Variants in SPAST observed in about 807,000 individuals in gnomAD.
SPAST encodes spastin.
SPAST carries 30 observed loss-of-function variants against 76.6 expected under a neutral mutation model. That is an observed-to-expected ratio of 0.39 (90% CI 0.29 to 0.53). The LOEUF is 0.53. Ranked by LOEUF, SPAST falls within the 20% of genes least tolerant of loss-of-function variation. The probability of loss-of-function intolerance (pLI) is 0.68; values close to 1 mark genes in which losing one functional copy is unlikely to be tolerated. For synonymous variants in SPAST, 305 were observed against 281.0 expected (o/e 1.09, Z -0.86); for missense variants, 717 against 770.5 (o/e 0.93, Z 0.82).
chr2:32,087,699 T>C (rs1294865225), intron 2 of SPAST, 121 bp downstream of exon 2: 55 of 354,034 alleles, frequency 1.6e-4, no homozygotes, highest in Middle Eastern at 9.3e-4. Context: ...CTTTTCTTTT[T>C]TTTTTTTTTT....
chr2:32,086,462 TAA>T (rs11350854), intron 1 of SPAST, among the ~76,000 whole-genome samples: 60 of 144,396 alleles, frequency 4.2e-4, no homozygotes, highest in African/African-American at 4.6e-4. Context: ...AGACTCTGTT[TAA>T]AAAAAAAAAA....
At chr2:32,135,775 A>G (rs1167088069) in intron 9 of SPAST, among the ~76,000 whole-genome samples, 2 of 152,178 alleles carry the variant, frequency 1.3e-5, no homozygotes, top group Non-Finnish European at 2.9e-5. Flanking sequence ...CAACTAAGTT[A>G]GTTGACTATT....
At chr2:32,085,851 G>A (rs1164309378) in intron 1 of SPAST, among the ~76,000 whole-genome samples, 1 of 151,980 alleles carries the variant, frequency 6.6e-6, no homozygotes, top group Non-Finnish European at 1.5e-5. Context: ...AGACTATCCT[G>A]AACAACATGG....
At position 32,154,435 on chromosome 2, in the gene SPAST, G is replaced by A. The variant is rs1314128100; in HGVS notation, c.1790G>A (p.Ser597Asn). 6.2e-7 allele frequency: 1 copy of A among 1,613,018 alleles called. No homozygotes were observed. Among genetic ancestry groups the A allele is most frequent in the Non-Finnish European group, 8.5e-7 (1 of 1,179,072 alleles). Residue 597 changes from serine to asparagine, a missense_variant, in exon 17 of 17, where the codon AGC becomes AAC. Coordinates refer to ENST00000315285, the MANE Select transcript of SPAST (RefSeq NM_014946.4). Reference sequence around the variant, plus strand: ...TTGAAAAAAATAAAACGCAGCGTCAGCCCTCAAACTTTAGAAGCGTACATA... The same window carrying A: ...TTGAAAAAAATAAAACGCAGCGTCAACCCTCAAACTTTAGAAGCGTACATA... ...ESLKKIKRSVSPQTLEAYIRW... is the reference protein window; with the variant it reads ...ESLKKIKRSVNPQTLEAYIRW...
chr2:32,144,894 C>A, intron 14 of SPAST, 43 bp from the exon 15 acceptor site: 2 of 1,401,188 alleles, frequency 1.4e-6, no homozygotes, highest in Non-Finnish European at 2.0e-6. Context: ...CAAAAAAAAG[C>A]GGGAGGGGAA....
At chr2:32,152,456 G>A (rs989967104) in intron 16 of SPAST, among the ~76,000 whole-genome samples, 9 of 151,952 alleles carry the variant, frequency 5.9e-5, no homozygotes, top group Non-Finnish European at 8.8e-5. Context: ...TATAGTCCTA[G>A]CTACTTGGGA....
At chr2:32,112,815 A>G (rs983084132) in intron 4 of SPAST, among the ~76,000 whole-genome samples, 1 of 151,954 alleles carries the variant, frequency 6.6e-6, no homozygotes, top group African/African-American at 2.4e-5. Context: ...TTTGATTACA[A>G]AAGTAAAATT....
At chr2:32,068,167 AC>A (rs1204700239) in intron 1 of SPAST, among the ~76,000 whole-genome samples, 1 of 151,018 alleles carries the variant, frequency 6.6e-6, no homozygotes, top group East Asian at 2.0e-4. Flanking sequence ...TTTAGTAGAG[AC>A]GGGGTTTCAC....
chr2:32,125,856 G>T (rs1037117636), intron 7 of SPAST, among the ~76,000 whole-genome samples: 7 of 152,058 alleles, frequency 4.6e-5, no homozygotes, highest in African/African-American at 9.6e-5. Context: ...GTGCAGTGGC[G>T]CAATCTTGGC....
At chr2:32,102,898 T>A (rs925130918) in intron 4 of SPAST, among the ~76,000 whole-genome samples, 5 of 152,200 alleles carry the variant, frequency 3.3e-5, no homozygotes, top group African/African-American at 1.2e-4. Context: ...ATTTTTGCGT[T>A]GATGTTCATC....
chr2:32,072,038 T>TTTTA (rs369867799), intron 1 of SPAST, among the ~76,000 whole-genome samples: 6 of 152,092 alleles, frequency 3.9e-5, no homozygotes, highest in African/African-American at 7.2e-5. Context: ...CTTCAATTTG[T>TTTTA]TTTATTTATT....
At chr2:32,102,686 T>G (rs1161030806) in intron 4 of SPAST, among the ~76,000 whole-genome samples, 1 of 152,252 alleles carries the variant, frequency 6.6e-6, no homozygotes, top group Non-Finnish European at 1.5e-5. Flanking sequence ...TGAAGGGCTG[T>G]TGAATTTTGT....
intron 1 of SPAST, among the ~76,000 whole-genome samples, chr2:32,083,749 A>AT (rs1558620101): frequency 6.8e-4 from 37 of 54,226 alleles, no homozygotes; most frequent in Admixed American, 1.1e-3. Flanking sequence ...ATTTATATAT[A>AT]CTATATATAT....
chr2:32,097,079 G>T (rs1262191150), intron 3 of SPAST, among the ~76,000 whole-genome samples: 1 of 152,152 alleles, frequency 6.6e-6, no homozygotes, highest in Non-Finnish European at 1.5e-5. Flanking sequence ...TAATATATAG[G>T]TGCTGCATTT....
intron 1 of SPAST, among the ~76,000 whole-genome samples, chr2:32,069,163 A>G (rs1248025161): frequency 6.9e-6 from 1 of 144,932 alleles, no homozygotes; most frequent in Non-Finnish European, 1.5e-5. Flanking sequence ...CGGTGGGCCA[A>G]GATCACGCCA....
At chr2:32,091,788 C>T (rs994179919) in intron 3 of SPAST, among the ~76,000 whole-genome samples, 21 of 151,752 alleles carry the variant, frequency 1.4e-4, no homozygotes, top group Admixed American at 1.2e-3. Context: ...GAGCCGAGAT[C>T]ATGCCACTGC....
At chr2:32,153,062 T>C (rs1170153968) in intron 16 of SPAST, among the ~76,000 whole-genome samples, 2 of 152,044 alleles carry the variant, frequency 1.3e-5, no homozygotes, top group Non-Finnish European at 2.9e-5. Flanking sequence ...ATTTTAACTA[T>C]ATGTTTTTTT....
chr2:32,110,576 T>G (rs113147470), intron 4 of SPAST, among the ~76,000 whole-genome samples: 13 of 128,102 alleles, frequency 1.0e-4, no homozygotes, highest in African/African-American at 4.0e-4. Context: ...ATATAGTATA[T>G]ATATAGTGTA....
intron 5 of SPAST, 61 bp downstream of exon 5, chr2:32,114,886 C>G (rs1183010196): frequency 2.5e-6 from 3 of 1,184,614 alleles, no homozygotes; most frequent in Non-Finnish European, 2.5e-6. Context: ...TTTTAAGATA[C>G]TATTCCTGCT....
Sources: gnomAD v4.1 joint callset for allele counts (sites outside exome capture counted in the v4.1 genomes callset) on GRCh38, gnomAD v4.1.1 for gene constraint, MANE v1.5 for transcripts, NCBI Gene and HGNC (gene_info 2026-07-23, HGNC 2026-07-21) for gene names.